The following CALN1 variants were observed in gnomAD, a reference collection of about 807,000 sequenced individuals.
CALN1 encodes the protein calcium-binding protein 8.
In CALN1, 17 loss-of-function variants were observed where a neutral mutation model predicts 30.6. The observed-to-expected ratio is 0.56, with a 90% confidence interval of 0.38 to 0.83. The LOEUF (loss-of-function observed/expected upper bound fraction) is 0.83, where lower values mean the gene tolerates loss of function less well. Among genes scored for constraint, CALN1 ranks in the 40% least tolerant of loss-of-function variants. The pLI is 0.00. For missense variants in CALN1, 291 were observed against 354.9 expected, an observed-to-expected ratio of 0.82 and a Z score of 1.45; for synonymous variants, 156 against 131.4, an observed-to-expected ratio of 1.19 and a Z score of -1.28.
intron 1 of CALN1, among the ~76,000 whole-genome samples, chr7:72,442,108 A>T (rs554106068): frequency 6.6e-6 from 1 of 152,168 alleles, no homozygotes; most frequent in South Asian, 2.1e-4. Flanking sequence ...CATCCTGAAA[A>T]AAACAAAAAG....
At chr7:72,474,437 G>A in the CALN1 span, among the ~76,000 whole-genome samples, 1 of 152,208 alleles carries the variant, frequency 6.6e-6, no homozygotes, top group South Asian at 2.1e-4. Context: ...TGTAATCCCG[G>A]CACTTTGGGA....
intron 5 of CALN1, among the ~76,000 whole-genome samples, chr7:71,948,469 C>G (rs1248816380): frequency 6.6e-6 from 1 of 152,090 alleles, no homozygotes; most frequent in African/African-American, 2.4e-5. Context: ...TTGGCTTATG[C>G]CTGTAATCCC....
chr7:72,106,363 A>AGAAC, intron 3 of CALN1, 69 bp from the exon 4 acceptor site: 1 of 1,590,290 alleles, frequency 6.3e-7, no homozygotes, highest in South Asian at 1.1e-5. Flanking sequence ...GTTATTGGTG[A>AGAAC]TTGCCTACTG....
intron 3 of CALN1, among the ~76,000 whole-genome samples, chr7:72,205,927 C>G (rs1791844333): frequency 6.6e-6 from 1 of 152,074 alleles, no homozygotes; most frequent in East Asian, 1.9e-4. Flanking sequence ...TTTACTGAAT[C>G]CTTTTCTCGC....
intron 1 of CALN1, among the ~76,000 whole-genome samples, chr7:72,405,167 G>A (rs1453132584): frequency 6.6e-6 from 1 of 152,190 alleles, no homozygotes; most frequent in South Asian, 2.1e-4. Flanking sequence ...CACTTCCCAA[G>A]GGTTGGGATC....
chr7:71,988,352 C>T (rs920759130), intron 5 of CALN1, among the ~76,000 whole-genome samples: 1 of 152,164 alleles, frequency 6.6e-6, no homozygotes, highest in African/African-American at 2.4e-5. Flanking sequence ...AGCCTAACCA[C>T]AACACCATAT....
intron 5 of CALN1, among the ~76,000 whole-genome samples, chr7:71,840,126 T>C (rs147679858): frequency 6.6e-6 from 1 of 152,170 alleles, no homozygotes; most frequent in African/African-American, 2.4e-5. Flanking sequence ...TTAGAATTGG[T>C]GTGTTTTGTT....
At chr7:71,885,633 C>G (rs1480070721) in intron 5 of CALN1, among the ~76,000 whole-genome samples, 1 of 152,244 alleles carries the variant, frequency 6.6e-6, no homozygotes, top group Non-Finnish European at 1.5e-5. Context: ...CTCTTTTCAT[C>G]CACAATATTG....
intron 2 of CALN1, among the ~76,000 whole-genome samples, chr7:72,319,749 G>C (rs1301593447): frequency 6.6e-6 from 1 of 152,086 alleles, no homozygotes; most frequent in Non-Finnish European, 1.5e-5. Flanking sequence ...GGTGAGGCTG[G>C]GGTGAGATGT....
intron 2 of CALN1, among the ~76,000 whole-genome samples, chr7:72,360,620 ATACTTT>A (rs1803516293): frequency 6.7e-6 from 1 of 149,418 alleles, no homozygotes; most frequent in Admixed American, 6.6e-5. Flanking sequence ...TTTTTTTATT[ATACTTT>A]AAGTTCTAGG....
chr7:72,211,493 G>T (rs1042942581), intron 3 of CALN1, among the ~76,000 whole-genome samples: 3 of 152,058 alleles, frequency 2.0e-5, no homozygotes, highest in African/African-American at 7.2e-5. Context: ...CCTGACTTTG[G>T]GCAAATGAAC....
At chr7:72,285,859 G>A (rs1000543040) in intron 2 of CALN1, among the ~76,000 whole-genome samples, 30 of 152,180 alleles carry the variant, frequency 2.0e-4, no homozygotes, top group African/African-American at 4.3e-4. Context: ...ATCTCTTGCA[G>A]ACTTGACAGC....
intron 5 of CALN1, among the ~76,000 whole-genome samples, chr7:71,847,776 G>GAAGAAAGAAGAAGAAGAAGA (rs1562835581): frequency 1.5e-5 from 1 of 66,860 alleles, no homozygotes; most frequent in East Asian, 4.5e-4. Flanking sequence ...GAAGAAGAAA[G>GAAGAAAGAAGAAGAAGAAGA]AAGAAGAAGA....
chr7:71,990,584 CTG>C (rs1798895723), intron 5 of CALN1, among the ~76,000 whole-genome samples: 1 of 152,024 alleles, frequency 6.6e-6, no homozygotes, highest in Admixed American at 6.5e-5. Flanking sequence ...TCCTCAGTAA[CTG>C]TGATTACAGG....
chr7:71,985,977 T>C lies in CALN1; in HGVS notation c.501+37680A>G, dbSNP rs77459608. ...GATCCATGGTATGAGACTGGATGTA[T>C]TGATGATGGTATAATGAAATATTCT... On this transcript the variant is annotated intron_variant, in intron 5 of 6. Coordinates refer to ENST00000395275, the MANE Select transcript of CALN1 (RefSeq NM_031468.4). Among the ~76,000 whole-genome samples, 55 of 152,320 alleles carry C rather than the reference T, an allele frequency of 3.6e-4. No individual in the cohort carries two copies. The East Asian group carries it at 5.0e-3, about 14-fold the overall frequency.
intron 2 of CALN1, among the ~76,000 whole-genome samples, chr7:72,310,231 A>G (rs1366191392): frequency 1.3e-5 from 2 of 151,766 alleles, no homozygotes; most frequent in African/African-American, 4.8e-5. Flanking sequence ...AGACAGCACA[A>G]TGCTACTCCA....
At chr7:72,084,368 A>C (rs1426884308) in intron 4 of CALN1, among the ~76,000 whole-genome samples, 1 of 149,898 alleles carries the variant, frequency 6.7e-6, no homozygotes. Context: ...TAAATCTTCC[A>C]GCAGAAAATG....
At chr7:72,354,940 C>T (rs988986700) in intron 2 of CALN1, among the ~76,000 whole-genome samples, 7 of 148,132 alleles carry the variant, frequency 4.7e-5, no homozygotes, top group African/African-American at 1.8e-4. Context: ...GACAGGGTCT[C>T]GCTTTGTCGC....
intron 5 of CALN1, among the ~76,000 whole-genome samples, chr7:71,897,326 G>A (rs935314226): frequency 2.6e-5 from 4 of 152,140 alleles, no homozygotes; most frequent in African/African-American, 9.7e-5. Flanking sequence ...AACCTGCTCA[G>A]CTATTTCTTG....
Sources: gnomAD v4.1 joint callset for allele counts (sites outside exome capture counted in the v4.1 genomes callset) on GRCh38, gnomAD v4.1.1 for gene constraint, MANE v1.5 for transcripts, NCBI Gene and HGNC (gene_info 2026-07-23, HGNC 2026-07-21) for gene names.